Variants in CACNA2D1 observed in about 807,000 individuals in gnomAD.
The protein encoded by CACNA2D1 is calcium voltage-gated channel auxiliary subunit alpha2delta 1, also known as voltage-dependent calcium channel subunit alpha-2/delta-1.
In CACNA2D1, 53 loss-of-function variants were observed where a neutral mutation model predicts 171.5. That is an observed-to-expected ratio of 0.31 (90% confidence interval 0.25 to 0.39). The LOEUF (loss-of-function observed/expected upper bound fraction) is 0.39. CACNA2D1 is among the 10% of genes least tolerant of loss of function. The pLI is 1.00. For missense variants in CACNA2D1, 903 were observed against 1,299.8 expected, an observed-to-expected ratio of 0.69 and a Z score of 4.69; for synonymous variants, 442 against 443.1, an observed-to-expected ratio of 1.00 and a Z score of 0.03.
intron 12 of CACNA2D1, 48 bp from the exon 13 acceptor site, chr7:82,014,527 T>C (rs1244631951): frequency 4.1e-6 from 4 of 987,188 alleles, no homozygotes; most frequent in South Asian, 1.3e-5. Flanking sequence ...TAAAATTTAA[T>C]TCAATGGCAA....
At chr7:82,339,680 C>T (rs1585563051) in intron 2 of CACNA2D1, among the ~76,000 whole-genome samples, 1 of 152,122 alleles carries the variant, frequency 6.6e-6, no homozygotes, top group East Asian at 1.9e-4. Context: ...GATGAAATAG[C>T]ATGGATCAAA....
intron 38 of CACNA2D1, among the ~76,000 whole-genome samples, chr7:81,951,969 GTTTT>G (rs774805421): frequency 5.6e-5 from 4 of 71,906 alleles, no homozygotes; most frequent in South Asian, 6.4e-4. Context: ...TGTACAAAGT[GTTTT>G]TTTTTTTTTT....
At chr7:82,294,399 G>A (rs1421986026) in intron 3 of CACNA2D1, among the ~76,000 whole-genome samples, 1 of 151,780 alleles carries the variant, frequency 6.6e-6, no homozygotes, top group African/African-American at 2.4e-5. Flanking sequence ...CTAGGAATTC[G>A]GTTATTCACA....
At chr7:82,403,732 C>T (rs141118120) in intron 1 of CACNA2D1, among the ~76,000 whole-genome samples, 1 of 152,306 alleles carries the variant, frequency 6.6e-6, no homozygotes, top group Non-Finnish European at 1.5e-5. Context: ...GATACTACAT[C>T]ATGGGGGAAG....
At position 82,120,054 on chromosome 7, in the gene CACNA2D1, G is replaced by A. The variant is rs543251398; in HGVS notation, c.397-2881C>T. ...AAAAATGAGCCTGGCATCGTGGTAT[G>A]TTCCTATTATTTCCAGCTATTCAGG... is the stretch of plus-strand genomic sequence containing the variant. On this transcript the variant is annotated intron_variant, in intron 5 of 38. Coordinates refer to ENST00000356860, the MANE Select transcript of CACNA2D1 (RefSeq NM_000722.4). Among the ~76,000 whole-genome samples, 505 of 152,242 alleles carry A rather than the reference G, an allele frequency of 3.3e-3. 6 individuals carry two copies. Among genetic ancestry groups the A allele is most frequent in the South Asian group, 0.028 (137 of 4,832 alleles).
At chr7:82,111,333 CGT>C (rs1491122549) in intron 6 of CACNA2D1, among the ~76,000 whole-genome samples, 4 of 106,880 alleles carry the variant, frequency 3.7e-5, no homozygotes, top group Non-Finnish European at 5.6e-5. Flanking sequence ...TACGCATACA[CGT>C]ATATATATTC....
chr7:82,238,822 G>C (rs1166373853), intron 3 of CACNA2D1, among the ~76,000 whole-genome samples: 2 of 152,088 alleles, frequency 1.3e-5, no homozygotes, highest in Non-Finnish European at 2.9e-5. Flanking sequence ...GCCACACCTA[G>C]AGTTGGCTCT....
intron 3 of CACNA2D1, among the ~76,000 whole-genome samples, chr7:82,238,177 T>A (rs1210823519): frequency 6.6e-6 from 1 of 152,042 alleles, no homozygotes; most frequent in Non-Finnish European, 1.5e-5. Flanking sequence ...GTTGTCTGTC[T>A]TCTAGTAGTG....
chr7:82,151,159 T>G (rs987761562), intron 4 of CACNA2D1, among the ~76,000 whole-genome samples: 7 of 152,142 alleles, frequency 4.6e-5, no homozygotes, highest in African/African-American at 1.7e-4. Context: ...TTATTTCATC[T>G]CTTGTCCAAA....
intron 10 of CACNA2D1, among the ~76,000 whole-genome samples, chr7:82,058,165 A>G (rs1806172810): frequency 6.6e-6 from 1 of 152,118 alleles, no homozygotes; most frequent in Admixed American, 6.6e-5. Context: ...TTCCTCAGAG[A>G]ATTAAGTTCC....
intron 1 of CACNA2D1, among the ~76,000 whole-genome samples, chr7:82,386,844 T>C (rs573839528): frequency 1.7e-4 from 26 of 151,836 alleles, no homozygotes; most frequent in African/African-American, 6.3e-4. Flanking sequence ...AATACTGCCC[T>C]ACATCCATTT....
intron 3 of CACNA2D1, among the ~76,000 whole-genome samples, chr7:82,181,040 GATTTT>G (rs1797075692): frequency 2.2e-5 from 1 of 45,946 alleles, no homozygotes; most frequent in East Asian, 5.9e-4. Context: ...GGGCATGTCG[GATTTT>G]TTTTTTTTTT....
Position 82,060,211 on chromosome 7 carries a change from A to ATAATATATATATAATATATATATATT in CACNA2D1, c.879+216_879+217insAATATATATATATTATATATATATTA, listed in dbSNP as rs374742133. On this transcript the variant is annotated intron_variant, in intron 10 of 38. Transcript: ENST00000356860. ...TATATTATATATATATTATATATATAATATATATATAATATATATATATAA... is the reference window on the plus strand; with the variant it reads ...TATATTATATATATATTATATATATATAATATATATATAATATATATATATTATATATATATAATATATATATATAA... 4.1e-4 allele frequency among the ~76,000 whole-genome samples: 13 copies of ATAATATATATATAATATATATATATT among 31,366 alleles called. 1 individual carries two copies. Among genetic ancestry groups the ATAATATATATATAATATATATATATT allele is most frequent in the Non-Finnish European group, 2.9e-4 (5 of 17,290 alleles). The allele number at this position is 31,366 out of a possible 152,430, so 20.6% of individuals were successfully genotyped here.
chr7:82,133,195 C>T (rs755221924), intron 5 of CACNA2D1, among the ~76,000 whole-genome samples: 4 of 152,232 alleles, frequency 2.6e-5, no homozygotes, highest in African/African-American at 4.8e-5. Flanking sequence ...ATACTGCTTA[C>T]GTATATCAGC....
At chr7:81,992,069 T>C (rs1352218480) in intron 20 of CACNA2D1, among the ~76,000 whole-genome samples, 1 of 151,210 alleles carries the variant, frequency 6.6e-6, no homozygotes, top group Admixed American at 6.6e-5. Context: ...GGTCTCGATC[T>C]CCTGACCTCG....
chr7:82,258,978 G>A (rs1040147009), intron 3 of CACNA2D1, among the ~76,000 whole-genome samples: 25 of 151,916 alleles, frequency 1.6e-4, no homozygotes, highest in African/African-American at 5.1e-4. Context: ...ACAGGTGCAC[G>A]CCACCATGCC....
intron 1 of CACNA2D1, among the ~76,000 whole-genome samples, chr7:82,414,891 T>A (rs2129455890): frequency 6.6e-6 from 1 of 152,296 alleles, no homozygotes; most frequent in African/African-American, 2.4e-5. Flanking sequence ...TCATTATCAT[T>A]CTGACAATGC....
At chr7:82,344,607 A>C (rs1231803185) in intron 2 of CACNA2D1, among the ~76,000 whole-genome samples, 1 of 151,872 alleles carries the variant, frequency 6.6e-6, no homozygotes. Flanking sequence ...TACTTAAAAA[A>C]CTCCAGTGCA....
At chr7:82,061,806 C>T (rs1427214321) in intron 9 of CACNA2D1, among the ~76,000 whole-genome samples, 1 of 152,116 alleles carries the variant, frequency 6.6e-6, no homozygotes, top group African/African-American at 2.4e-5. Context: ...GATGAAATCA[C>T]AGGGGTGTGG....
Sources: allele counts gnomAD v4.1 joint callset (sites outside exome capture counted in the v4.1 genomes callset), GRCh38; gene constraint gnomAD v4.1.1; transcripts MANE v1.5; gene names NCBI Gene and HGNC (gene_info 2026-07-23, HGNC 2026-07-21).